Variants in RBFOX3 observed in about 807,000 individuals in gnomAD.
The protein encoded by RBFOX3 is RNA binding fox-1 homolog 3.
In RBFOX3, 17 loss-of-function variants were observed where a neutral mutation model predicts 48.7. That is an observed-to-expected ratio of 0.35 (90% CI 0.24 to 0.52). The LOEUF is 0.52. RBFOX3 is among the 20% of genes least tolerant of loss of function. The pLI, the probability that RBFOX3 is intolerant of heterozygous loss-of-function variation, is 0.94. For synonymous variants in RBFOX3, 212 were observed against 209.5 expected, an observed-to-expected ratio of 1.01 and a Z score of -0.10; for missense variants, 382 against 497.5, an observed-to-expected ratio of 0.77 and a Z score of 2.21.
intron 11 of RBFOX3, among the ~76,000 whole-genome samples, 198 bp downstream of exon 11, chr17:79,097,094 G>T (rs890210978): frequency 6.6e-6 from 1 of 152,064 alleles, no homozygotes; most frequent in African/African-American, 2.4e-5. Flanking sequence ...AGTGACCTCC[G>T]CGATGCCCGC....
In RBFOX3 at chr17:79,422,950, G is replaced by C. The variant is rs1230717590; in HGVS notation, c.-175+59504C>G. 2.6e-5 allele frequency among the ~76,000 whole-genome samples: 4 copies of C among 152,074 alleles called. No homozygotes were observed. In the East Asian group the frequency reaches 7.7e-4, roughly 29 times the overall value. The stretch of plus-strand genomic sequence containing the variant: ...GTGTTTCTGTCTGTCTCTCTCCAGG[G>C]GTGCACAGAAAAGGCCACGTGAGGT... On this transcript the variant is annotated intron_variant, in intron 2 of 14. Coordinates refer to ENST00000693108, the MANE Select transcript of RBFOX3 (RefSeq NM_001350451.2).
intron 4 of RBFOX3, among the ~76,000 whole-genome samples, chr17:79,170,147 A>G (rs1055707032): frequency 1.4e-5 from 2 of 142,462 alleles, no homozygotes; most frequent in Non-Finnish European, 3.1e-5. Context: ...GGAGGGAAGG[A>G]AGGAAGGGAG....
chr17:79,508,264 T>A (rs2083471441), intron 1 of RBFOX3, among the ~76,000 whole-genome samples: 3 of 151,596 alleles, frequency 2.0e-5, no homozygotes, highest in Non-Finnish European at 4.4e-5. Context: ...CGAGAGGGGG[T>A]TCCTCCAGCA....
the RBFOX3 span, among the ~76,000 whole-genome samples, chr17:79,638,908 C>A: frequency 6.6e-6 from 1 of 152,082 alleles, no homozygotes; most frequent in African/African-American, 2.4e-5. Context: ...AGTCTGTGAG[C>A]CAAATAAATC....
At chr17:79,530,404 CAA>C (rs1431337513) in intron 1 of RBFOX3, among the ~76,000 whole-genome samples, 4 of 152,180 alleles carry the variant, frequency 2.6e-5, no homozygotes, top group Non-Finnish European at 5.9e-5. Flanking sequence ...CCAAATCTGC[CAA>C]AGAGTATGAA....
At chr17:79,213,654 C>G (rs2058658304) in intron 4 of RBFOX3, among the ~76,000 whole-genome samples, 1 of 152,236 alleles carries the variant, frequency 6.6e-6, no homozygotes, top group Non-Finnish European at 1.5e-5. Context: ...TGAGCCTTCC[C>G]CGGGGACTGC....
chr17:79,231,004 A>C (rs991010418), intron 4 of RBFOX3, among the ~76,000 whole-genome samples: 7 of 152,116 alleles, frequency 4.6e-5, no homozygotes, highest in Admixed American at 3.3e-4. Context: ...AGTGAAGGGC[A>C]GTGATCCCCC....
chr17:79,154,108 CCCCTCCCT>C (rs373723202), intron 4 of RBFOX3, among the ~76,000 whole-genome samples: 1 of 146,706 alleles, frequency 6.8e-6, no homozygotes, highest in African/African-American at 2.5e-5. Context: ...CTCTGCTGGT[CCCCTCCCT>C]CCCTCCCTCC....
At chr17:79,273,914 G>A (rs1413357829) in intron 3 of RBFOX3, among the ~76,000 whole-genome samples, 1 of 152,202 alleles carries the variant, frequency 6.6e-6, no homozygotes, top group South Asian at 2.1e-4. Flanking sequence ...AGCTGACCCA[G>A]GTCTCCCTGC....
chr17:79,293,014 C>T (rs1372369776), intron 3 of RBFOX3, among the ~76,000 whole-genome samples: 1 of 152,094 alleles, frequency 6.6e-6, no homozygotes, highest in Admixed American at 6.5e-5. Flanking sequence ...GTTTGCTTGG[C>T]TGGAACATCA....
chr17:79,539,068 G>A (rs1214196037), intron 1 of RBFOX3, among the ~76,000 whole-genome samples: 1 of 152,174 alleles, frequency 6.6e-6, no homozygotes, highest in Non-Finnish European at 1.5e-5. Flanking sequence ...GGACTAATAC[G>A]TGGTCAGGTG....
intron 1 of RBFOX3, among the ~76,000 whole-genome samples, chr17:79,572,583 C>T (rs2092714585): frequency 6.6e-6 from 1 of 152,144 alleles, no homozygotes; most frequent in Non-Finnish European, 1.5e-5. Flanking sequence ...GAAGGGGAGC[C>T]AAGCTGAAGG....
chr17:79,521,915 A>G lies in RBFOX3; in HGVS notation c.-319-39317T>C, dbSNP rs1359764647. Reference sequence around the variant, plus strand: ...CCTAACTAATGTCCATTGCCAGTGAAGTGGACATGGGAGTTTTTCAGTGAA... The same window carrying G: ...CCTAACTAATGTCCATTGCCAGTGAGGTGGACATGGGAGTTTTTCAGTGAA... On this transcript the variant is annotated intron_variant, in intron 1 of 14. Coordinates refer to ENST00000693108, the MANE Select transcript of RBFOX3 (RefSeq NM_001350451.2). Among the ~76,000 whole-genome samples the G allele has an allele frequency of 3.3e-5, 5 of 152,222 alleles. No homozygotes were observed. The East Asian group carries it at 9.6e-4, about 29-fold the overall frequency.
chr17:79,318,853 T>TAAAAAAAAAAAAAAAAA (rs2077944312), intron 2 of RBFOX3, among the ~76,000 whole-genome samples: 1 of 13,124 alleles, frequency 7.6e-5, no homozygotes, highest in Non-Finnish European at 1.2e-4. Context: ...AGACTCCATC[T>TAAAAAAAAAAAAAAAAA]CAAAAAAAAA....
the RBFOX3 span, among the ~76,000 whole-genome samples, chr17:79,620,432 CACACAT>C: frequency 2.1e-5 from 3 of 145,074 alleles, no homozygotes; most frequent in African/African-American, 4.9e-5. Context: ...CACGCACGTG[CACACAT>C]GCACATGCAC....
At chr17:79,294,596 C>T (rs912791171) in intron 3 of RBFOX3, among the ~76,000 whole-genome samples, 5 of 152,148 alleles carry the variant, frequency 3.3e-5, no homozygotes, top group South Asian at 2.1e-4. Flanking sequence ...CACCACGCCC[C>T]GCTAGATACC....
intron 1 of RBFOX3, among the ~76,000 whole-genome samples, chr17:79,610,407 C>T (rs1490053271): frequency 2.6e-5 from 4 of 151,920 alleles, no homozygotes; most frequent in Non-Finnish European, 4.4e-5. Context: ...CCTCCCCCCG[C>T]CGGGGAGTTC....
intron 3 of RBFOX3, among the ~76,000 whole-genome samples, chr17:79,267,829 G>A (rs564146714): frequency 5.3e-4 from 81 of 152,270 alleles, no homozygotes; most frequent in African/African-American, 1.9e-3. Context: ...GGAAACCTGG[G>A]CGTGTCAACT....
intron 3 of RBFOX3, among the ~76,000 whole-genome samples, chr17:79,265,779 T>C (rs12603697): frequency 0.064 from 9,785 of 152,268 alleles, 364 homozygotes; most frequent in South Asian, 0.12. Context: ...GGTAAGCTTA[T>C]AACCTGCTTC....
Sources: allele counts gnomAD v4.1 joint callset (sites outside exome capture counted in the v4.1 genomes callset), GRCh38; gene constraint gnomAD v4.1.1; transcripts MANE v1.5; gene names NCBI Gene and HGNC (gene_info 2026-07-23, HGNC 2026-07-21).